C1GALT1: variants seen among roughly 807,000 people sequenced by gnomAD.
C1GALT1 encodes the protein glycoprotein-N-acetylgalactosamine 3-beta-galactosyltransferase 1.
In C1GALT1, 11 loss-of-function variants were observed where a neutral mutation model predicts 31.0. The ratio of observed to expected loss-of-function variants is 0.36; its 90% CI spans 0.22 to 0.59. C1GALT1 has a LOEUF of 0.59. Ranked by LOEUF, C1GALT1 falls within the 20% of genes least tolerant of loss-of-function variation. The probability of loss-of-function intolerance (pLI) is 0.79; values close to 1 mark genes in which losing one functional copy is unlikely to be tolerated. For synonymous variants in C1GALT1, 175 were observed against 143.6 expected, an observed-to-expected ratio of 1.22 and a Z score of -1.56; for missense variants, 424 against 425.2, an observed-to-expected ratio of 1.00 and a Z score of 0.03.
intron 1 of C1GALT1, among the ~76,000 whole-genome samples, chr7:7,209,779 A>G (rs996688849): frequency 2.6e-5 from 4 of 152,210 alleles, no homozygotes; most frequent in African/African-American, 4.8e-5. Flanking sequence ...TGTGTGAACA[A>G]TAAAGCTTTT....
intron 1 of C1GALT1, chr7:7,209,579 G>T (rs181505771): frequency 6.6e-6 from 1 of 152,354 alleles, no homozygotes; most frequent in Non-Finnish European, 1.5e-5. Flanking sequence ...ATGTCTTACA[G>T]CCTTCTGAAC....
chr7:7,207,778 CT>C (rs1420603805), intron 1 of C1GALT1, among the ~76,000 whole-genome samples: 4 of 142,994 alleles, frequency 2.8e-5, no homozygotes, highest in Admixed American at 6.9e-5. Context: ...TCAGGGTGTG[CT>C]TTTTTTCTTT....
chr7:7,159,782 T>C (rs1300932844), intron 2 of C1GALT1, among the ~76,000 whole-genome samples: 1 of 152,190 alleles, frequency 6.6e-6, no homozygotes, highest in Non-Finnish European at 1.5e-5. Flanking sequence ...AAAAAATTCA[T>C]TTTAATGTGA....
intron 2 of C1GALT1, among the ~76,000 whole-genome samples, chr7:7,159,915 G>A (rs946785925): frequency 6.6e-6 from 1 of 152,102 alleles, no homozygotes; most frequent in Non-Finnish European, 1.5e-5. Flanking sequence ...TATCAGCTCC[G>A]AGCTTGGTAA....
chr7:7,237,437 A>G (rs1349921843), intron 2 of C1GALT1, among the ~76,000 whole-genome samples: 1 of 152,224 alleles, frequency 6.6e-6, no homozygotes, highest in Non-Finnish European at 1.5e-5. Context: ...TGCTTAGTTA[A>G]GTGGACATTT....
intron 1 of C1GALT1, chr7:7,183,434 C>T (rs1016685816): frequency 9.4e-6 from 2 of 212,990 alleles, no homozygotes; most frequent in South Asian, 1.7e-4. Flanking sequence ...AGTTTCCCTG[C>T]CGCAGAGTGA....
At chr7:7,163,648 C>T (rs557571859) in intron 2 of C1GALT1, among the ~76,000 whole-genome samples, 5 of 152,096 alleles carry the variant, frequency 3.3e-5, no homozygotes, top group Non-Finnish European at 7.4e-5. Context: ...GTACAAAAAT[C>T]ACAAGCATTC....
At chr7:7,208,026 T>C (rs1781827917) in intron 1 of C1GALT1, among the ~76,000 whole-genome samples, 1 of 152,154 alleles carries the variant, frequency 6.6e-6, no homozygotes, top group African/African-American at 2.4e-5. Flanking sequence ...ATTACATGCT[T>C]TCTGAGTAGC....
At chr7:7,242,924 GA>G (rs1409945558) in intron 3 of C1GALT1, among the ~76,000 whole-genome samples, 1 of 152,072 alleles carries the variant, frequency 6.6e-6, no homozygotes, top group African/African-American at 2.4e-5. Flanking sequence ...TACAAATGTG[GA>G]AATTAAAGCT....
At chr7:7,196,706 C>T (rs1233245156) in intron 1 of C1GALT1, among the ~76,000 whole-genome samples, 1 of 152,178 alleles carries the variant, frequency 6.6e-6, no homozygotes, top group African/African-American at 2.4e-5. Context: ...CCTGTTTCTC[C>T]ACATCCTCTC....
At chr7:7,191,501 G>T (rs1781070262) in intron 1 of C1GALT1, among the ~76,000 whole-genome samples, 1 of 152,114 alleles carries the variant, frequency 6.6e-6, no homozygotes, top group Non-Finnish European at 1.5e-5. Context: ...TCCAGAAGTG[G>T]AATTGCTGGA....
In C1GALT1 at chr7:7,233,363, A is replaced by T. The variant is rs114104781; in HGVS notation, c.-17-940A>T. On this transcript the variant is annotated intron_variant, in intron 1 of 3. Transcript: ENST00000436587. ...ACTGCAACCTCCGCCTTCTGAGTTC[A>T]AGTGATTCTCCCACCTTATTCTTAC... Among the ~76,000 whole-genome samples the T allele has an allele frequency of 7.2e-3, 1,089 of 152,182 alleles. 21 individuals carry two copies. Among genetic ancestry groups the T allele is most frequent in the African/African-American group, 0.025 (1,032 of 41,508 alleles).
At chr7:7,198,048 C>A (rs911758219) in intron 1 of C1GALT1, among the ~76,000 whole-genome samples, 2 of 152,058 alleles carry the variant, frequency 1.3e-5, no homozygotes, top group Non-Finnish European at 2.9e-5. Flanking sequence ...GCCTGATTGC[C>A]CTGGCCAGAA....
chr7:7,237,013 G>T (rs1375910945), intron 2 of C1GALT1, among the ~76,000 whole-genome samples: 1 of 152,156 alleles, frequency 6.6e-6, no homozygotes, highest in Non-Finnish European at 1.5e-5. Context: ...CTGAAAGTCA[G>T]TTCATAGACT....
chr7:7,243,264 T>A lies in C1GALT1; in HGVS notation c.889-260T>A, dbSNP rs549267372. On this transcript the variant is annotated intron_variant, in intron 3 of 3. Coordinates refer to ENST00000436587, the MANE Select transcript of C1GALT1 (RefSeq NM_020156.5). ...CAGTAATTTTATCCGCTAAAGAGTG[T>A]GAGAGAATATTGTTTCATTTAAAAA... 3.3e-5 allele frequency among the ~76,000 whole-genome samples: 5 copies of A among 152,282 alleles called. No homozygotes were observed. The South Asian group carries it at 1.0e-3, about 32-fold the overall frequency.
At chr7:7,199,519 T>A (rs1405555661) in intron 1 of C1GALT1, among the ~76,000 whole-genome samples, 2 of 152,318 alleles carry the variant, frequency 1.3e-5, no homozygotes, top group African/African-American at 4.8e-5. Flanking sequence ...ATTCTGTTGA[T>A]TTGGGATGGA....
At chr7:7,173,838 G>A (rs537718266) in intron 2 of C1GALT1, among the ~76,000 whole-genome samples, 24 of 152,282 alleles carry the variant, frequency 1.6e-4, no homozygotes, top group African/African-American at 5.8e-4. Context: ...GGGCGGTGGA[G>A]GTTGCAGTGA....
intron 1 of C1GALT1, among the ~76,000 whole-genome samples, chr7:7,205,069 C>T (rs1781679276): frequency 6.6e-6 from 1 of 152,096 alleles, no homozygotes; most frequent in Non-Finnish European, 1.5e-5. Flanking sequence ...TGTTCAAGTT[C>T]TCCATTCTGT....
At chr7:7,204,972 C>T (rs1781675535) in intron 1 of C1GALT1, among the ~76,000 whole-genome samples, 1 of 152,058 alleles carries the variant, frequency 6.6e-6, no homozygotes, top group Admixed American at 6.6e-5. Context: ...GGAAATATCC[C>T]CTGTGTACTT....
Sources: allele counts gnomAD v4.1 joint callset (sites outside exome capture counted in the v4.1 genomes callset), GRCh38; gene constraint gnomAD v4.1.1; transcripts MANE v1.5; gene names NCBI Gene and HGNC (gene_info 2026-07-23, HGNC 2026-07-21).